The following SNRPG variants were observed in gnomAD, a reference collection of about 807,000 sequenced individuals.
The protein encoded by SNRPG is small nuclear ribonucleoprotein polypeptide G.
A neutral mutation model predicts 13.9 loss-of-function variants in SNRPG; 3 were observed. That is an observed-to-expected ratio of 0.22 (90% CI 0.10 to 0.56). The LOEUF (loss-of-function observed/expected upper bound fraction) is 0.56, where lower values mean the gene tolerates loss of function less well. Ranked by LOEUF, SNRPG falls within the 20% of genes least tolerant of loss-of-function variation. SNRPG has a pLI of 0.93. For missense variants in SNRPG, 34 were observed against 96.1 expected, an observed-to-expected ratio of 0.35 and a Z score of 2.70; for synonymous variants, 29 against 29.3, an observed-to-expected ratio of 0.99 and a Z score of 0.03.
intron 1 of SNRPG, 134 bp downstream of exon 1, chr2:70,293,484 G>C (rs1313684182): frequency 1.2e-6 from 1 of 851,240 alleles, no homozygotes; most frequent in African/African-American, 1.7e-5. Flanking sequence ...GCCTGGCCGG[G>C]ATCCCGGCGA....
intron 3 of SNRPG, among the ~76,000 whole-genome samples, chr2:70,286,956 T>C (rs1696956706): frequency 6.6e-6 from 1 of 152,220 alleles, no homozygotes; most frequent in Non-Finnish European, 1.5e-5. Flanking sequence ...CTAATCATGC[T>C]GGCAGCCTTA....
intron 3 of SNRPG, chr2:70,287,780 C>A: frequency 2.2e-6 from 1 of 459,760 alleles, no homozygotes; most frequent in Non-Finnish European, 3.9e-6. Flanking sequence ...AGAACTACTG[C>A]TCTAATGAAG....
chr2:70,292,065 A>T (rs1442631952), intron 1 of SNRPG, among the ~76,000 whole-genome samples: 6 of 148,994 alleles, frequency 4.0e-5, no homozygotes, highest in Non-Finnish European at 8.9e-5. Flanking sequence ...CTCCTGCCTC[A>T]GCCTCCCGAG....
rs1241967786 is a variant in SNRPG, at chr2:70,283,122, A to AAAAAAAAAAAAAAAAAAAAAAAAAC, written c.181-1439_181-1438insGTTTTTTTTTTTTTTTTTTTTTTTT. 7.6e-4 allele frequency among the ~76,000 whole-genome samples: 63 copies of AAAAAAAAAAAAAAAAAAAAAAAAAC among 82,988 alleles called. 11 individuals carry two copies. Among genetic ancestry groups the AAAAAAAAAAAAAAAAAAAAAAAAAC allele is most frequent in the Non-Finnish European group, 1.0e-3 (41 of 39,752 alleles). 54.4% of individuals were successfully genotyped at this position (82,988 alleles called of 152,430 possible). A position where few individuals can be genotyped will look rare whatever the true frequency, so the allele number is the denominator to read the frequency against. On this transcript the variant is annotated intron_variant, in intron 3 of 3. Coordinates refer to ENST00000272348, the MANE Select transcript of SNRPG (RefSeq NM_003096.4). ...AAAAAAAAAAAAAAAAAAAAAAAAA[A>AAAAAAAAAAAAAAAAAAAAAAAAAC]AACAACAAACCAAAACCAAAACAAA...
intron 3 of SNRPG, among the ~76,000 whole-genome samples, chr2:70,285,053 G>A (rs1696905301): frequency 1.3e-5 from 2 of 152,110 alleles, no homozygotes. Context: ...TGGTATCAAA[G>A]GGTTACTTGT....
intron 3 of SNRPG, among the ~76,000 whole-genome samples, chr2:70,283,121 AAAAC>A (rs1696851467): frequency 1.4e-5 from 2 of 147,890 alleles, no homozygotes; most frequent in African/African-American, 5.0e-5. Context: ...AAAAAAAAAA[AAAAC>A]AACAAACCAA....
intron 3 of SNRPG, among the ~76,000 whole-genome samples, chr2:70,284,152 C>T (rs138687811): frequency 6.6e-6 from 1 of 152,284 alleles, no homozygotes; most frequent in African/African-American, 2.4e-5. Context: ...TCTAAGTTAA[C>T]AGAGCTCCCC....
intron 3 of SNRPG, chr2:70,287,115 C>A: frequency 1.8e-6 from 1 of 568,126 alleles, no homozygotes; most frequent in Non-Finnish European, 3.1e-6. Flanking sequence ...GAAAAAGTAT[C>A]TGAAATAAGT....
chr2:70,281,663 T>A lies in SNRPG; in HGVS notation c.202A>T (p.Ile68Phe), dbSNP rs755155145. 16 of 1,576,468 alleles carry A rather than the reference T, an allele frequency of 1.0e-5. No homozygotes were observed. Among genetic ancestry groups the A allele is most frequent in the Non-Finnish European group, 1.2e-5 (14 of 1,149,626 alleles). The part of the protein sequence containing the change: ...GMVVIRGNSI[I>F]MLEALERV ...ACTCGTTCCAAGGCTTCTAACATGA[T>A]GATACTATTTCCTCGTATTACCTAA... Residue 68 changes from isoleucine (I) to phenylalanine (F), a missense_variant, in exon 4 of 4, where the codon ATC becomes TTC. By Grantham distance (21) the Ile-to-Phe change is conservative. Transcript: ENST00000272348.
chr2:70,293,640 C>G lies in SNRPG; in HGVS notation c.10G>C (p.Ala4Pro), dbSNP rs1410412790. Residue 4 changes from alanine (A) to proline (P), a missense_variant, in exon 1 of 4, where the codon GCT becomes CCT. Physicochemically the swap from Ala to Pro is conservative, Grantham distance 27. Coordinates refer to ENST00000272348, the MANE Select transcript of SNRPG (RefSeq NM_003096.4). ...TACTTTTTCAACTCGGGAGGGTGAGCTTTGCTCATGGTGTATACTCCGCGG... is the reference window on the plus strand; with the variant it reads ...TACTTTTTCAACTCGGGAGGGTGAGGTTTGCTCATGGTGTATACTCCGCGG... MSK[A>P]HPPELKKFMD... 6.2e-7 allele frequency: 1 copy of G among 1,614,062 alleles called. No individual in the cohort carries two copies. The highest frequency in any genetic ancestry group is 8.5e-7 in the Non-Finnish European group (1 of 1,179,984).
intron 1 of SNRPG, among the ~76,000 whole-genome samples, chr2:70,290,428 C>T (rs1697055130): frequency 6.6e-6 from 1 of 150,892 alleles, no homozygotes; most frequent in Admixed American, 6.6e-5. Flanking sequence ...AAAAAAATTC[C>T]ATTTTAGTGG....
intron 3 of SNRPG, among the ~76,000 whole-genome samples, chr2:70,286,390 A>G (rs1696942855): frequency 6.6e-6 from 1 of 151,284 alleles, no homozygotes; most frequent in Admixed American, 6.6e-5. Flanking sequence ...CCAACTTTAG[A>G]AAAGTCAAAA....
intron 3 of SNRPG, among the ~76,000 whole-genome samples, chr2:70,286,374 C>T (rs1489023018): frequency 6.6e-6 from 1 of 151,714 alleles, no homozygotes; most frequent in Non-Finnish European, 1.5e-5. Context: ...ATTTGTTTCC[C>T]TTCTTCCAAC....
At chr2:70,287,004 A>C (rs1696957772) in intron 3 of SNRPG, among the ~76,000 whole-genome samples, 1 of 152,226 alleles carries the variant, frequency 6.6e-6, no homozygotes, top group South Asian at 2.1e-4. Flanking sequence ...CCTGAAAGAC[A>C]AGTCAATTTA....
At chr2:70,281,755 T>C in intron 3 of SNRPG, 71 bp from the exon 4 acceptor site, 1 of 841,720 alleles carries the variant, frequency 1.2e-6, no homozygotes, top group South Asian at 1.5e-5. Flanking sequence ...ATTTAAGAAT[T>C]TTCACCAAAT....
chr2:70,286,526 T>TC (rs1389609727), intron 3 of SNRPG, among the ~76,000 whole-genome samples: 1 of 152,084 alleles, frequency 6.6e-6, no homozygotes, highest in South Asian at 2.1e-4. Context: ...CTTTTTTTTT[T>TC]CTTTGGCTGG....
intron 1 of SNRPG, chr2:70,293,201 G>A: frequency 1.4e-6 from 1 of 702,368 alleles, no homozygotes; most frequent in South Asian, 1.5e-5. Flanking sequence ...GATGCCTCAC[G>A]TAGTTTTAAA....
intron 3 of SNRPG, 46 bp downstream of exon 3, chr2:70,288,022 A>G: frequency 6.3e-7 from 1 of 1,598,040 alleles, no homozygotes. Flanking sequence ...TACACATTCC[A>G]AAAGAAAAAT....
intron 1 of SNRPG, chr2:70,292,790 C>T: frequency 4.4e-6 from 1 of 226,296 alleles, no homozygotes; most frequent in African/African-American, 2.3e-5. Context: ...TTTGTGCAAT[C>T]CAACTAATAC....
Sources: allele counts gnomAD v4.1 joint callset (sites outside exome capture counted in the v4.1 genomes callset), GRCh38; gene constraint gnomAD v4.1.1; transcripts MANE v1.5; gene names NCBI Gene and HGNC (gene_info 2026-07-23, HGNC 2026-07-21).